PLPPR1: variants seen among roughly 807,000 people sequenced by gnomAD.
PLPPR1 encodes the protein phospholipid phosphatase-related protein type 1.
A neutral mutation model predicts 33.1 loss-of-function variants in PLPPR1; 10 were observed. The observed-to-expected ratio is 0.30, with a 90% CI of 0.19 to 0.51. PLPPR1 has a LOEUF of 0.51. Ranked by LOEUF, PLPPR1 falls within the 20% of genes least tolerant of loss-of-function variation. The pLI is 0.97. For synonymous variants in PLPPR1, 151 were observed against 151.0 expected, an observed-to-expected ratio of 1.00 and a Z score of 0.00; for missense variants, 304 against 408.1, an observed-to-expected ratio of 0.74 and a Z score of 2.20.
chr9:101,082,409 C>T lies in PLPPR1; in HGVS notation c.-46+53307C>T, dbSNP rs149762759. Among the ~76,000 whole-genome samples the T allele has an allele frequency of 8.3e-3, 1,260 of 152,138 alleles. 6 individuals carry two copies. Among genetic ancestry groups the T allele is most frequent in the Middle Eastern group, 0.041 (12 of 294 alleles). ...TAAGCAGAAAAGCATTCCTCCTCCC[C>T]CACCAAGGAGGGGATTTTTATTTTT... On this transcript the variant is annotated intron_variant, in intron 1 of 7. Transcript: ENST00000374874.
chr9:101,157,628 C>T (rs556109551), intron 1 of PLPPR1, among the ~76,000 whole-genome samples: 4 of 152,232 alleles, frequency 2.6e-5, no homozygotes, highest in African/African-American at 9.6e-5. Context: ...GAATAGACTC[C>T]AGCAAGGCAG....
chr9:101,117,422 A>G (rs1250112954), intron 1 of PLPPR1, among the ~76,000 whole-genome samples: 1 of 152,240 alleles, frequency 6.6e-6, no homozygotes, highest in East Asian at 1.9e-4. Flanking sequence ...ATGACAGTTT[A>G]TAAATGGCAT....
intron 2 of PLPPR1, among the ~76,000 whole-genome samples, chr9:101,229,148 C>T (rs1222523792): frequency 2.0e-5 from 3 of 152,048 alleles, no homozygotes; most frequent in African/African-American, 7.2e-5. Flanking sequence ...GGATCAGAGC[C>T]ACAATGATAC....
intron 4 of PLPPR1, among the ~76,000 whole-genome samples, chr9:101,300,827 T>G (rs1046616231): frequency 4.6e-5 from 7 of 152,340 alleles, no homozygotes; most frequent in African/African-American, 1.7e-4. Context: ...AAAGTTACCA[T>G]AGCCTCTGGC....
intron 1 of PLPPR1, among the ~76,000 whole-genome samples, chr9:101,179,550 T>C (rs1248980671): frequency 2.0e-5 from 3 of 152,202 alleles, no homozygotes; most frequent in African/African-American, 7.2e-5. Flanking sequence ...ATTTAAGTAT[T>C]GTTAACTTTA....
At chr9:101,189,690 T>C (rs978777567) in intron 2 of PLPPR1, among the ~76,000 whole-genome samples, 1 of 152,140 alleles carries the variant, frequency 6.6e-6, no homozygotes, top group Non-Finnish European at 1.5e-5. Flanking sequence ...AAATATCTTT[T>C]CTGCAACATC....
intron 2 of PLPPR1, among the ~76,000 whole-genome samples, chr9:101,229,498 C>T (rs750739785): frequency 7.9e-5 from 12 of 152,042 alleles, no homozygotes; most frequent in Non-Finnish European, 1.3e-4. Context: ...GAATCCATTT[C>T]TAATAATTTG....
intron 2 of PLPPR1, among the ~76,000 whole-genome samples, chr9:101,244,944 C>A (rs1252760941): frequency 6.6e-6 from 1 of 151,832 alleles, no homozygotes. Context: ...AGATGGCCAA[C>A]CTTATTAGTC....
intron 1 of PLPPR1, among the ~76,000 whole-genome samples, chr9:101,120,829 T>C (rs1290932655): frequency 6.6e-6 from 1 of 152,192 alleles, no homozygotes; most frequent in Non-Finnish European, 1.5e-5. Flanking sequence ...TTAGTGACTT[T>C]TTCTTCCTAT....
chr9:101,099,138 T>G (rs2987733), intron 1 of PLPPR1, among the ~76,000 whole-genome samples: 62,860 of 149,492 alleles, frequency 0.42, 13,513 homozygotes, highest in Non-Finnish European at 0.47. Context: ...TGTTGGTCAG[T>G]GGGGATGTGA....
intron 1 of PLPPR1, among the ~76,000 whole-genome samples, chr9:101,126,073 G>A (rs1360694200): frequency 6.6e-6 from 1 of 152,142 alleles, no homozygotes; most frequent in Non-Finnish European, 1.5e-5. Context: ...CAATCTGTAA[G>A]CATCCAACAG....
intron 4 of PLPPR1, among the ~76,000 whole-genome samples, chr9:101,295,683 G>GA (rs1230139322): frequency 9.9e-5 from 15 of 151,576 alleles, no homozygotes; most frequent in African/African-American, 2.9e-4. Context: ...ACAAACCTGA[G>GA]AAAAACAAGC....
At chr9:101,108,832 A>G (rs993507399) in intron 1 of PLPPR1, among the ~76,000 whole-genome samples, 6 of 152,204 alleles carry the variant, frequency 3.9e-5, no homozygotes, top group African/African-American at 1.4e-4. Context: ...TTTTATGTTA[A>G]TATGCAATGG....
At chr9:101,294,525 T>G (rs1455815303) in intron 4 of PLPPR1, among the ~76,000 whole-genome samples, 13 of 150,570 alleles carry the variant, frequency 8.6e-5, no homozygotes, top group Admixed American at 1.3e-4. Context: ...ACCAATATCC[T>G]TGATGAACAT....
intron 1 of PLPPR1, among the ~76,000 whole-genome samples, chr9:101,047,580 C>T (rs1278737963): frequency 3.3e-5 from 5 of 152,140 alleles, no homozygotes; most frequent in African/African-American, 9.7e-5. Context: ...CAGTCTCCAT[C>T]GTAACCTTAC....
At chr9:101,307,667 G>A (rs1287861751) in intron 4 of PLPPR1, among the ~76,000 whole-genome samples, 2 of 152,176 alleles carry the variant, frequency 1.3e-5, no homozygotes, top group Non-Finnish European at 2.9e-5. Context: ...AAAACCAGAC[G>A]AAGGTTTCAG....
rs1483701118 is a variant in PLPPR1, at chr9:101,208,358, ATT to A, written c.63+22803_63+22804del. Among the ~76,000 whole-genome samples, 9 of 152,258 alleles carry A rather than the reference ATT, an allele frequency of 5.9e-5. No individual in the cohort carries two copies. In the East Asian group the frequency reaches 1.5e-3, roughly 26 times the overall value. ...TGGAGAATGTCTCTTGAACCTGAGC[ATT>A]TGTCAGTGATGGAAAATTTCCTGGT... On this transcript the variant is annotated intron_variant, in intron 2 of 7. Coordinates refer to ENST00000374874, the MANE Select transcript of PLPPR1 (RefSeq NM_207299.2).
intron 2 of PLPPR1, among the ~76,000 whole-genome samples, chr9:101,199,135 A>G (rs1341516583): frequency 1.3e-5 from 2 of 152,204 alleles, no homozygotes; most frequent in Non-Finnish European, 2.9e-5. Flanking sequence ...AACAAGTGTC[A>G]TGGCCCCAGT....
At chr9:101,311,796 G>A (rs894781792) in intron 5 of PLPPR1, among the ~76,000 whole-genome samples, 2 of 152,156 alleles carry the variant, frequency 1.3e-5, no homozygotes, top group Non-Finnish European at 2.9e-5. Flanking sequence ...TACTATATAA[G>A]TATCAGCATA....
Sources: allele counts gnomAD v4.1 joint callset (sites outside exome capture counted in the v4.1 genomes callset), GRCh38; gene constraint gnomAD v4.1.1; transcripts MANE v1.5; gene names NCBI Gene and HGNC (gene_info 2026-07-23, HGNC 2026-07-21).